The following SAMTOR variants were observed in gnomAD, a reference collection of about 807,000 sequenced individuals.
The protein encoded by SAMTOR is S-adenosylmethionine sensor upstream of mTORC1, also known as UPF0532 protein C7orf60.
the SAMTOR span, among the ~76,000 whole-genome samples, chr7:112,826,985 A>G: frequency 2.6e-4 from 40 of 152,274 alleles, no homozygotes; most frequent in Non-Finnish European, 4.4e-4. Flanking sequence ...TATTAGGTGC[A>G]TAGACCAAGT....
the SAMTOR span, among the ~76,000 whole-genome samples, chr7:112,927,367 C>G: frequency 6.6e-6 from 1 of 151,974 alleles, no homozygotes; most frequent in Non-Finnish European, 1.5e-5. Context: ...GGAGCTAGAA[C>G]TTCTTGAAGT....
At chr7:112,829,617 CA>C in the SAMTOR span, among the ~76,000 whole-genome samples, 1 of 152,118 alleles carries the variant, frequency 6.6e-6, no homozygotes, top group African/African-American at 2.4e-5. Flanking sequence ...GTGGGTTCTA[CA>C]TAACTATGGA....
At chr7:112,884,144 G>A in the SAMTOR span, among the ~76,000 whole-genome samples, 10 of 152,100 alleles carry the variant, frequency 6.6e-5, no homozygotes, top group Non-Finnish European at 1.5e-4. Flanking sequence ...CAGCATGGGG[G>A]TAATTGCCCC....
At chr7:112,821,664 C>G in the SAMTOR span, 2 of 1,353,738 alleles carry the variant, frequency 1.5e-6, no homozygotes, top group Non-Finnish European at 2.0e-6. Flanking sequence ...GTTTTCAGTA[C>G]TGAGTTCATG....
the SAMTOR span, among the ~76,000 whole-genome samples, chr7:112,916,274 T>C: frequency 6.6e-6 from 1 of 152,106 alleles, no homozygotes; most frequent in African/African-American, 2.4e-5. Flanking sequence ...CTAATAAAGG[T>C]AGGAGAATGC....
chr7:112,874,794 A>C, the SAMTOR span, among the ~76,000 whole-genome samples: 1 of 152,292 alleles, frequency 6.6e-6, no homozygotes, highest in Admixed American at 6.5e-5. Flanking sequence ...ATACAGTAAC[A>C]CTCAGCAAAT....
chr7:112,883,369 A>G, the SAMTOR span, among the ~76,000 whole-genome samples: 4 of 152,174 alleles, frequency 2.6e-5, no homozygotes, highest in Admixed American at 2.0e-4. Flanking sequence ...CCCTCCTTCA[A>G]TAACTACATA....
chr7:112,856,749 T>C, the SAMTOR span, among the ~76,000 whole-genome samples: 6 of 152,232 alleles, frequency 3.9e-5, no homozygotes, highest in Non-Finnish European at 8.8e-5. Context: ...ATTGTCCAAA[T>C]GTATTTACAT....
At chr7:112,901,170 C>T in the SAMTOR span, among the ~76,000 whole-genome samples, 6 of 152,188 alleles carry the variant, frequency 3.9e-5, no homozygotes, top group Non-Finnish European at 5.9e-5. Flanking sequence ...AGTACTGGTC[C>T]GTGACCTGTT....
At chr7:112,878,033 T>C in the SAMTOR span, among the ~76,000 whole-genome samples, 2 of 152,274 alleles carry the variant, frequency 1.3e-5, no homozygotes, top group East Asian at 3.9e-4. Flanking sequence ...GAGAACAGCT[T>C]AACACAATGG....
chr7:112,911,436 G>T, the SAMTOR span, among the ~76,000 whole-genome samples: 1 of 152,010 alleles, frequency 6.6e-6, no homozygotes, highest in Non-Finnish European at 1.5e-5. Context: ...TTTCATTCTA[G>T]CTGCCTTTCA....
the SAMTOR span, among the ~76,000 whole-genome samples, chr7:112,921,352 T>C: frequency 6.6e-6 from 1 of 151,650 alleles, no homozygotes; most frequent in Non-Finnish European, 1.5e-5. Flanking sequence ...GGGGAAAGGA[T>C]TCCCTATTTA....
the SAMTOR span, among the ~76,000 whole-genome samples, chr7:112,908,106 A>C: frequency 2.6e-5 from 4 of 152,190 alleles, no homozygotes; most frequent in African/African-American, 7.2e-5. Flanking sequence ...ATATCTGTAT[A>C]CCTGTGATGG....
At chr7:112,857,079 CTTTTTTTTTT>C in the SAMTOR span, among the ~76,000 whole-genome samples, 1 of 105,782 alleles carries the variant, frequency 9.5e-6, no homozygotes, top group Non-Finnish European at 1.8e-5. Flanking sequence ...TTCTTTTAAT[CTTTTTTTTTT>C]TTTTTTTTTT....
the SAMTOR span, among the ~76,000 whole-genome samples, chr7:112,933,729 A>G: frequency 6.6e-6 from 1 of 152,182 alleles, no homozygotes; most frequent in Non-Finnish European, 1.5e-5. Context: ...CCTGAATTAG[A>G]ATCACATGAG....
chr7:112,910,286 C>T, the SAMTOR span, among the ~76,000 whole-genome samples: 67 of 152,164 alleles, frequency 4.4e-4, no homozygotes, highest in Non-Finnish European at 6.5e-4. Context: ...CAATTGCTTT[C>T]GTGAAAATTG....
At chr7:112,931,730 T>C in the SAMTOR span, among the ~76,000 whole-genome samples, 2 of 152,180 alleles carry the variant, frequency 1.3e-5, no homozygotes, top group Non-Finnish European at 2.9e-5. Context: ...ATTAACCACC[T>C]ATTCTAAAAT....
At chr7:112,897,733 G>A in the SAMTOR span, among the ~76,000 whole-genome samples, 1 of 152,242 alleles carries the variant, frequency 6.6e-6, no homozygotes, top group African/African-American at 2.4e-5. Flanking sequence ...GTCAGATGAC[G>A]ACTGCATAAA....
the SAMTOR span, among the ~76,000 whole-genome samples, chr7:112,916,830 C>A: frequency 1.3e-5 from 2 of 152,330 alleles, no homozygotes; most frequent in East Asian, 1.9e-4. Context: ...CCCACAGAGT[C>A]TCGCTGATTG....
Sources: allele counts gnomAD v4.1 joint callset (sites outside exome capture counted in the v4.1 genomes callset), GRCh38; gene constraint gnomAD v4.1.1; transcripts MANE v1.5; gene names NCBI Gene and HGNC (gene_info 2026-07-23, HGNC 2026-07-21).